PC: variants seen among roughly 807,000 people sequenced by gnomAD.
PC encodes pyruvate carboxylase, also known as pyruvate carboxylase, mitochondrial.
In PC, 46 loss-of-function variants were observed where a neutral mutation model predicts 107.8. That is an observed-to-expected ratio of 0.43 (90% CI 0.34 to 0.55). PC has a LOEUF of 0.55. Among genes scored for constraint, PC ranks in the 20% least tolerant of loss-of-function variants. PC has a pLI of 0.04. For missense variants in PC, 1,241 were observed against 1,643.1 expected, an observed-to-expected ratio of 0.76 and a Z score of 4.23; for synonymous variants, 662 against 684.7, an observed-to-expected ratio of 0.97 and a Z score of 0.52.
chr11:66,870,920 A>C lies in PC; in HGVS notation c.634-28T>G, dbSNP rs1565244142. 6.2e-7 allele frequency: 1 copy of C among 1,605,834 alleles called. No homozygotes were observed. Among genetic ancestry groups the C allele is most frequent in the Admixed American group, 1.7e-5 (1 of 59,996 alleles). ...GCGAGGGCGGGCAGGGGCCAGCCAG[A>C]CCTCAGACCCCACAGCGCTACCTCT... On this transcript the variant is annotated intron_variant, in intron 7 of 22. Coordinates refer to ENST00000393960, the MANE Select transcript of PC (RefSeq NM_001040716.2). The surrounding 1 kb of genome is among the most constrained non-coding windows in gnomAD (Gnocchi z 6.1).
chr11:66,953,488 T>G (rs1949485334), intron 2 of PC, among the ~76,000 whole-genome samples: 2 of 152,216 alleles, frequency 1.3e-5, no homozygotes, highest in African/African-American at 2.4e-5. Flanking sequence ...TAATCACTTT[T>G]CGGAGTTTTA....
chr11:66,858,865 G>T lies in PC; in HGVS notation c.1368+4909C>A. Reference sequence around the variant, plus strand: ...CTGCGGGTGCTGGCCTTGCCCCATGGTGGGAACAGCAGTGCCGAGGGGGGC... The same window carrying T: ...CTGCGGGTGCTGGCCTTGCCCCATGTTGGGAACAGCAGTGCCGAGGGGGGC... On this transcript the variant is annotated intron_variant, in intron 12 of 22. Coordinates refer to ENST00000393960, the MANE Select transcript of PC (RefSeq NM_001040716.2). This position sits in a 1 kb window ranked among gnomAD's most constrained non-coding sequence, Gnocchi z 5.9. 2 of 1,558,458 alleles carry T rather than the reference G, an allele frequency of 1.3e-6. No homozygotes were observed. Among genetic ancestry groups the T allele is most frequent in the Non-Finnish European group, 1.7e-6 (2 of 1,152,242 alleles).
At chr11:66,955,214 C>T (rs1486029537) in intron 1 of PC, among the ~76,000 whole-genome samples, 1 of 152,148 alleles carries the variant, frequency 6.6e-6, no homozygotes, top group Non-Finnish European at 1.5e-5. Flanking sequence ...ACTGAGAGGA[C>T]AGAGGGAAGA....
At chr11:66,936,630 G>A (rs1949009603) in intron 3 of PC, among the ~76,000 whole-genome samples, 1 of 152,176 alleles carries the variant, frequency 6.6e-6, no homozygotes. Flanking sequence ...ATGGTATGAA[G>A]GGTGAAGCAA....
Position 66,852,048 on chromosome 11 carries a change from G to C in PC, c.1826-102C>G. ...GCACAAGCCTCTGGCCCCAATACCA[G>C]GTCCTGCTCATCTTCGCCATACCTG... On this transcript the variant is annotated intron_variant, in intron 15 of 22. Coordinates refer to ENST00000393960, the MANE Select transcript of PC (RefSeq NM_001040716.2). The surrounding 1 kb of genome is among the most constrained non-coding windows in gnomAD (Gnocchi z 4.7). The C allele has an allele frequency of 8.2e-7, 1 of 1,221,036 alleles. No individual in the cohort carries two copies. The highest frequency in any genetic ancestry group is 1.2e-6 in the Non-Finnish European group (1 of 848,674). The allele number at this position is 1,221,036 out of a possible 1,614,324, so 75.6% of individuals were successfully genotyped here.
chr11:66,943,199 G>A (rs1487601336), intron 3 of PC, among the ~76,000 whole-genome samples: 1 of 151,586 alleles, frequency 6.6e-6, no homozygotes, highest in Non-Finnish European at 1.5e-5. Flanking sequence ...AAAAGAGGTC[G>A]AGCTGGCCAT....
intron 3 of PC, among the ~76,000 whole-genome samples, chr11:66,885,204 T>C: frequency 6.6e-6 from 1 of 152,200 alleles, no homozygotes; most frequent in Non-Finnish European, 1.5e-5. Flanking sequence ...GTGACCTTAT[T>C]TGGGCCAGGC....
At position 66,914,109 on chromosome 11, in the gene PC, C is replaced by T. The variant is rs530889743; in HGVS notation, c.-1+38321G>A. Among the ~76,000 whole-genome samples the T allele has an allele frequency of 9.1e-4, 138 of 152,302 alleles. 1 individual carries two copies. Among genetic ancestry groups the T allele is most frequent in the Middle Eastern group, 6.8e-3 (2 of 294 alleles). ...CAAACACTTCGGTAAGTCAGCAGGT[C>T]TTTCTCTTTCTCCCTACTGGATAAA... On this transcript the variant is annotated intron_variant, in intron 3 of 22. Transcript: ENST00000393960.
chr11:66,937,140 G>A (rs544378649), intron 3 of PC, among the ~76,000 whole-genome samples: 27 of 152,240 alleles, frequency 1.8e-4, no homozygotes, highest in Non-Finnish European at 3.2e-4. Context: ...CACTGTGCCC[G>A]GCCTAAAGAC....
chr11:66,898,795 C>T (rs927698386), intron 3 of PC, among the ~76,000 whole-genome samples: 2 of 152,194 alleles, frequency 1.3e-5, no homozygotes, highest in African/African-American at 2.4e-5. Flanking sequence ...ATGCTCCAAC[C>T]CCCTTAGCTC....
Position 66,848,992 on chromosome 11 carries a change from C to T in PC, c.3444G>A (p.Val1148=), listed in dbSNP as rs1945305805. The change falls in exon 23 of 23, where the codon GTG becomes GTA. Residue 1148 remains valine (V), a synonymous_variant. Coordinates refer to ENST00000393960, the MANE Select transcript of PC (RefSeq NM_001040716.2). ...CVLSAMKMET[V]VTSPMEGTVR... is the part of the protein sequence containing the mutation. ...CAGTACCCTCCATGGGTGAGGTCAC[C>T]ACAGTCTCCATCTTCATGGCACTGA... 6.2e-7 allele frequency: 1 copy of T among 1,614,084 alleles called. No homozygotes were observed. Among genetic ancestry groups the T allele is most frequent in the Non-Finnish European group, 8.5e-7 (1 of 1,180,040 alleles).
In PC at chr11:66,943,688, G is replaced by A. The variant is rs548203128; in HGVS notation, c.-1+8742C>T. 6.9e-5 allele frequency among the ~76,000 whole-genome samples: 10 copies of A among 143,998 alleles called. No individual in the cohort carries two copies. The South Asian group carries it at 1.1e-3, about 16-fold the overall frequency. 94.5% of individuals were successfully genotyped at this position (143,998 alleles called of 152,430 possible). A position where few individuals can be genotyped will look rare whatever the true frequency, so the allele number is the denominator to read the frequency against. On this transcript the variant is annotated intron_variant, in intron 3 of 22. Transcript: ENST00000393960. ...GAATGGCATGAACCCGGGAAGCAGC[G>A]GAGCTTGTGGTGAGCAGAGATCGCG...
At chr11:66,909,817 G>A (rs1390513873) in intron 3 of PC, among the ~76,000 whole-genome samples, 2 of 152,138 alleles carry the variant, frequency 1.3e-5, no homozygotes. Flanking sequence ...ACAGAGGACC[G>A]GCGGGAAGGG....
At position 66,917,680 on chromosome 11, in the gene PC, C is replaced by T. The variant is rs146390630; in HGVS notation, c.-1+34750G>A. ...TAAGCTTCAGAATGTCTAACACCTA[C>T]ATGATGCCTGTCCACTGCTCTGGTG... is the stretch of plus-strand genomic sequence containing the variant. On this transcript the variant is annotated intron_variant, in intron 3 of 22. Transcript: ENST00000393960. Among the ~76,000 whole-genome samples, 4 of 152,350 alleles carry T rather than the reference C, an allele frequency of 2.6e-5. No individual in the cohort carries two copies. The East Asian group carries it at 7.7e-4, about 29-fold the overall frequency.
intron 3 of PC, among the ~76,000 whole-genome samples, chr11:66,874,756 A>T (rs1267489490): frequency 1.3e-5 from 2 of 152,206 alleles, no homozygotes; most frequent in Non-Finnish European, 2.9e-5. Context: ...CAAAGAAAAG[A>T]AAAACAAGAC....
chr11:66,850,564 C>A, intron 18 of PC, 100 bp from the exon 19 acceptor site: 3 of 1,604,464 alleles, frequency 1.9e-6, no homozygotes, highest in Non-Finnish European at 2.5e-6. Context: ...TGACAGAAGG[C>A]GGCAAGGCCA....
At chr11:66,906,287 A>C (rs1243983915) in intron 3 of PC, among the ~76,000 whole-genome samples, 3 of 152,174 alleles carry the variant, frequency 2.0e-5, no homozygotes, top group African/African-American at 4.8e-5. Flanking sequence ...AAAGTTGTGC[A>C]GGAGAGAACA....
intron 3 of PC, among the ~76,000 whole-genome samples, chr11:66,935,105 G>A (rs538780790): frequency 6.6e-6 from 1 of 152,246 alleles, no homozygotes; most frequent in Non-Finnish European, 1.5e-5. Flanking sequence ...ACAGCATCCA[G>A]TAAGGAGCTG....
At chr11:66,859,128 C>A in intron 12 of PC, 2 of 1,474,970 alleles carry the variant, frequency 1.4e-6, no homozygotes, top group South Asian at 1.5e-5. Flanking sequence ...GCTGCACTCC[C>A]GGCGCCCTTC....
Sources: gnomAD v4.1 joint callset for allele counts (sites outside exome capture counted in the v4.1 genomes callset) on GRCh38, gnomAD v4.1.1 for gene constraint, Gnocchi (gnomAD v3.1) non-coding constraint, MANE v1.5 for transcripts, NCBI Gene and HGNC (gene_info 2026-07-23, HGNC 2026-07-21) for gene names.